SNX30: variants seen among roughly 807,000 people sequenced by gnomAD.
The protein encoded by SNX30 is sorting nexin-30.
A neutral mutation model predicts 46.4 loss-of-function variants in SNX30; 24 were observed. The ratio of observed to expected loss-of-function variants is 0.52; its 90% CI spans 0.37 to 0.73. The LOEUF is 0.73. SNX30 is among the 30% of genes least tolerant of loss of function. SNX30 has a pLI of 0.00. For missense variants in SNX30, 533 were observed against 555.7 expected, an observed-to-expected ratio of 0.96 and a Z score of 0.41; for synonymous variants, 189 against 211.5, an observed-to-expected ratio of 0.89 and a Z score of 0.92.
chr9:112,876,163 G>A (rs528610332), downstream of SNX30, among the ~76,000 whole-genome samples: 44 of 152,150 alleles, frequency 2.9e-4, no homozygotes, highest in African/African-American at 9.9e-4. Flanking sequence ...AGAATGGGGA[G>A]GAATAAATTC....
chr9:112,883,723 A>T (rs138300074), downstream of SNX30, among the ~76,000 whole-genome samples: 9,185 of 129,372 alleles, frequency 0.071, 372 homozygotes, highest in Non-Finnish European at 0.098. Flanking sequence ...TTTGAGATGG[A>T]GTCTAGCTCT....
intron 7 of SNX30, 67 bp downstream of exon 7, chr9:112,851,012 A>C: frequency 4.6e-4 from 575 of 1,238,820 alleles, no homozygotes; most frequent in Non-Finnish European, 6.1e-4. Context: ...GTAAATTCTC[A>C]TCTCTAGATC....
chr9:112,805,349 A>G (rs983942248), intron 2 of SNX30, among the ~76,000 whole-genome samples: 4 of 152,182 alleles, frequency 2.6e-5, no homozygotes, highest in African/African-American at 9.7e-5. Flanking sequence ...GGTGGGGTTG[A>G]TGGTAGCAGG....
chr9:112,865,755 G>GTGTGTGTA (rs1298626334), intron 8 of SNX30, among the ~76,000 whole-genome samples: 1 of 147,336 alleles, frequency 6.8e-6, no homozygotes, highest in African/African-American at 2.6e-5. Context: ...GTGTGTGTGT[G>GTGTGTGTA]TGTGTATGTA....
At position 112,822,541 on chromosome 9, in the gene SNX30, G is replaced by GTT. The variant is rs386415935; in HGVS notation, c.459+4737_459+4738dup. 1.3e-4 allele frequency among the ~76,000 whole-genome samples: 17 copies of GTT among 131,804 alleles called. 1 individual carries two copies. The highest frequency in any genetic ancestry group is 2.1e-4 in the East Asian group (1 of 4,714). 86.5% of individuals were successfully genotyped at this position (131,804 alleles called of 152,430 possible). A position where few individuals can be genotyped will look rare whatever the true frequency, so the allele number is the denominator to read the frequency against. Reference sequence around the variant, plus strand: ...TTTTGTCCCTTTGCTGTTTTGTTTTGTTTTTTTTTTTTGTAAGAACCTGTA... The same window carrying GTT: ...TTTTGTCCCTTTGCTGTTTTGTTTTGTTTTTTTTTTTTTTGTAAGAACCTGTA... On this transcript the variant is annotated intron_variant, in intron 3 of 8. Transcript: ENST00000374232.
intron 1 of SNX30, among the ~76,000 whole-genome samples, chr9:112,752,986 A>G (rs1839299965): frequency 6.6e-6 from 1 of 152,174 alleles, no homozygotes; most frequent in African/African-American, 2.4e-5. Flanking sequence ...AAGTGATCCA[A>G]GAGAGCTCAA....
chr9:112,751,016 C>G lies in SNX30; in HGVS notation c.15C>G (p.Pro5=). Residue 5 remains proline, a synonymous_variant, in exon 1 of 9, where the codon CCC becomes CCG. Transcript: ENST00000374232. ...CGGTGCGCGCCATGGCGGGCGGGCCCCCCAAGGCCCTGCCGTCCACGGGGC... is the reference window on the plus strand; with the variant it reads ...CGGTGCGCGCCATGGCGGGCGGGCCGCCCAAGGCCCTGCCGTCCACGGGGC... MAGG[P]PKALPSTGPH... 1 of 1,383,346 alleles carries G rather than the reference C, an allele frequency of 7.2e-7. No individual in the cohort carries two copies. The highest frequency in any genetic ancestry group is 1.5e-5 in the African/African-American group (1 of 67,044). 85.7% of individuals were successfully genotyped at this position (1,383,346 alleles called of 1,614,324 possible).
Position 112,830,817 on chromosome 9 carries a change from A to C in SNX30, c.552A>C (p.Leu184=), listed in dbSNP as rs372444647. 2 of 1,613,964 alleles carry C rather than the reference A, an allele frequency of 1.2e-6. No individual in the cohort carries two copies. The highest frequency in any genetic ancestry group is 2.7e-5 in the African/African-American group (2 of 74,926). ...GAAGAAAAGCTTTGGATAAATTTCT[A>C]AAAAGAATTACGGACCATCCTGTGC... ...ETRRKALDKF[L]KRITDHPVLS... Residue 184 remains leucine (L), a synonymous_variant, in exon 4 of 9, where the codon CTA becomes CTC. Coordinates refer to ENST00000374232, the MANE Select transcript of SNX30 (RefSeq NM_001012994.2).
intron 4 of SNX30, among the ~76,000 whole-genome samples, chr9:112,831,663 T>C (rs898400301): frequency 1.3e-5 from 2 of 152,256 alleles, no homozygotes; most frequent in African/African-American, 4.8e-5. Context: ...GCCTGATTGT[T>C]ACTTAACCTG....
At chr9:112,826,292 G>A (rs550556051) in intron 3 of SNX30, among the ~76,000 whole-genome samples, 33 of 152,270 alleles carry the variant, frequency 2.2e-4, no homozygotes, top group African/African-American at 6.3e-4. Flanking sequence ...AGCACTGAAG[G>A]CAGTATCACA....
chr9:112,806,378 G>C (rs1840224377), intron 2 of SNX30, among the ~76,000 whole-genome samples: 1 of 151,982 alleles, frequency 6.6e-6, no homozygotes, highest in South Asian at 2.1e-4. Context: ...CCTATTTCTT[G>C]GTACCCCACC....
intron 7 of SNX30, among the ~76,000 whole-genome samples, chr9:112,863,686 C>T (rs1201018741): frequency 1.3e-5 from 2 of 152,160 alleles, no homozygotes; most frequent in Non-Finnish European, 2.9e-5. Context: ...CATAAACAAG[C>T]CTCCAGTTTA....
At chr9:112,879,995 A>G (rs1203539580) in exon 5 of SNX30, 2 of 529,386 alleles carry the variant, frequency 3.8e-6, no homozygotes, top group African/African-American at 3.8e-5. Flanking sequence ...GCTAGCTAAA[A>G]GGAGCATGTT....
At chr9:112,823,415 GC>G (rs1779286203) in intron 3 of SNX30, among the ~76,000 whole-genome samples, 1 of 152,134 alleles carries the variant, frequency 6.6e-6, no homozygotes, top group African/African-American at 2.4e-5. Context: ...CGTACCCCTG[GC>G]AACCACCATT....
rs576010638 is a variant in SNX30 at position 112,771,441 on chromosome 9, AC to A, written c.156+20285del. The stretch of plus-strand genomic sequence containing the variant: ...TACTTATATGCAACAATGGAAAAAA[AC>A]GTTAAGTTGAAAAAATGTATAAATC... On this transcript the variant is annotated intron_variant, in intron 1 of 8. Coordinates refer to ENST00000374232, the MANE Select transcript of SNX30 (RefSeq NM_001012994.2). 6.6e-4 allele frequency among the ~76,000 whole-genome samples: 101 copies of A among 152,342 alleles called. 1 individual carries two copies. In the East Asian group the frequency reaches 0.017, roughly 26 times the overall value.
intron 3 of SNX30, 145 bp downstream of exon 3, chr9:112,817,960 C>T: frequency 1.7e-6 from 1 of 582,736 alleles, no homozygotes; most frequent in Non-Finnish European, 3.1e-6. Context: ...GTATACAATA[C>T]TTCACCTATT....
At chr9:112,797,264 T>C (rs1840121285) in intron 1 of SNX30, among the ~76,000 whole-genome samples, 1 of 152,210 alleles carries the variant, frequency 6.6e-6, no homozygotes, top group Non-Finnish European at 1.5e-5. Context: ...ATTTAAAAAA[T>C]CTATCTTTCC....
intron 1 of SNX30, among the ~76,000 whole-genome samples, chr9:112,770,297 G>A (rs530967837): frequency 3.8e-4 from 57 of 151,784 alleles, no homozygotes; most frequent in African/African-American, 1.0e-3. Flanking sequence ...TCAGCCTCCC[G>A]AGTAGCTGGG....
intron 8 of SNX30, among the ~76,000 whole-genome samples, 177 bp from the exon 9 acceptor site, chr9:112,868,607 C>T (rs1373950297): frequency 6.6e-6 from 1 of 152,184 alleles, no homozygotes; most frequent in Non-Finnish European, 1.5e-5. Flanking sequence ...GTGACGCATT[C>T]AAAACAAACA....
Sources: gnomAD v4.1 joint callset for allele counts (sites outside exome capture counted in the v4.1 genomes callset) on GRCh38, gnomAD v4.1.1 for gene constraint, MANE v1.5 for transcripts, NCBI Gene and HGNC (gene_info 2026-07-23, HGNC 2026-07-21) for gene names.